Variants in CDHR4 observed in about 807,000 individuals in gnomAD.
CDHR4 encodes the protein cadherin-related family member 4.
A neutral mutation model predicts 88.4 loss-of-function variants in CDHR4; 89 were observed. The ratio of observed to expected loss-of-function variants is 1.01; its 90% CI spans 0.85 to 1.20. The LOEUF is 1.20. Ranked by LOEUF, CDHR4 falls within the 50% of genes most tolerant of loss-of-function variation. The pLI, the probability that CDHR4 is intolerant of heterozygous loss-of-function variation, is 0.00. For missense variants in CDHR4, 914 were observed against 1,007.2 expected, an observed-to-expected ratio of 0.91 and a Z score of 1.25; for synonymous variants, 368 against 399.2, an observed-to-expected ratio of 0.92 and a Z score of 0.93.
Position 49,793,960 on chromosome 3 carries a change from G to C in CDHR4, c.1326C>G (p.Ser442=). Reference sequence around the variant, plus strand: ...GGAACGTGCGAGGGGCACAGGCTGGGGAGAACTCGTTGATGGGTGTCACCA... The same window carrying C: ...GGAACGTGCGAGGGGCACAGGCTGGCGAGAACTCGTTGATGGGTGTCACCA... The part of the protein sequence containing the change: ...LVMVTPINEF[S]PACAPRTFRV... The change falls in exon 11 of 19, where the codon TCC becomes TCG. Residue 442 remains serine (S), a synonymous_variant. Transcript: ENST00000412678. 1 of 1,551,754 alleles carries C rather than the reference G, an allele frequency of 6.4e-7. No homozygotes were observed. The highest frequency in any genetic ancestry group is 8.7e-7 in the Non-Finnish European group (1 of 1,147,002).
At chr3:49,793,407 C>A in intron 12 of CDHR4, 96 bp from the exon 13 acceptor site, 1 of 1,475,204 alleles carries the variant, frequency 6.8e-7, no homozygotes, top group Non-Finnish European at 9.1e-7. Flanking sequence ...GTAGCCTAGG[C>A]ATCAAGTGAT....
At chr3:49,792,748 T>C in intron 14 of CDHR4, 106 bp downstream of exon 14, 1 of 1,456,440 alleles carries the variant, frequency 6.9e-7, no homozygotes, top group South Asian at 1.4e-5. Context: ...CACTCTGCGC[T>C]TCCCTCTGAA....
chr3:49,797,267 C>T (rs2081286038), intron 4 of CDHR4, among the ~76,000 whole-genome samples: 1 of 151,042 alleles, frequency 6.6e-6, no homozygotes, highest in East Asian at 1.9e-4. Context: ...CTTCCTCCCT[C>T]CCTCCCTTCC....
At chr3:49,792,371 G>T in intron 15 of CDHR4, 97 bp downstream of exon 15, 1 of 1,432,312 alleles carries the variant, frequency 7.0e-7, no homozygotes, top group Non-Finnish European at 9.4e-7. Flanking sequence ...CCACCTACTT[G>T]GGCATTGTCA....
At chr3:49,800,743 T>C (rs1246588662), upstream of CDHR4, among the ~76,000 whole-genome samples, 1 of 151,916 alleles carries the variant, frequency 6.6e-6, no homozygotes, top group African/African-American at 2.4e-5. Context: ...TGTCTATTTA[T>C]TGTATTTATA....
In CDHR4 at chr3:49,790,843, G is replaced by A. The variant is rs989910867; in HGVS notation, c.2356C>T (p.Arg786Cys). The change falls in exon 19 of 19, where the codon CGC (arginine) becomes TGC (cysteine). Residue 786 changes from arginine (R) to cysteine (C), a missense_variant. Transcript: ENST00000412678. Reference sequence around the variant, plus strand: ...ACAGCTACTTGGCCTCAGAGCCAGCGCCGGGCTCCTGTGTGTGTGTTAAAC... The same window carrying A: ...ACAGCTACTTGGCCTCAGAGCCAGCACCGGGCTCCTGTGTGTGTGTTAAAC... ...YLFNTHTGAR[R>C]WL The A allele has an allele frequency of 5.8e-6, 9 of 1,551,308 alleles. No homozygotes were observed. The highest frequency in any genetic ancestry group is 1.7e-4 in the Middle Eastern group (1 of 6,008).
At position 49,796,035 on chromosome 3, in the gene CDHR4, C is replaced by T. The variant is rs1484616615; in HGVS notation, c.618G>A (p.Leu206=). 1.3e-6 allele frequency: 2 copies of T among 1,527,230 alleles called. No individual in the cohort carries two copies. Among genetic ancestry groups the T allele is most frequent in the South Asian group, 1.3e-5 (1 of 79,254 alleles). The allele number at this position is 1,527,230 out of a possible 1,614,324, so 94.6% of individuals were successfully genotyped here. A position where few individuals can be genotyped will look rare whatever the true frequency, so the allele number is the denominator to read the frequency against. ...TTTGTCCAAAGGACACTGAGATTTG[C>T]AGCTGGAAGACCTGTGGTGCACCCA... ...LLGQAQKVFQ[L]QISVSFGQRQ... The change falls in exon 6 of 19, where the codon CTG becomes CTA. Residue 206 remains leucine (L), a synonymous_variant. Transcript: ENST00000412678.
chr3:49,791,898 C>G lies in CDHR4; in HGVS notation c.2195+5G>C. 1 of 1,551,722 alleles carries G rather than the reference C, an allele frequency of 6.4e-7. No individual in the cohort carries two copies. Among genetic ancestry groups the G allele is most frequent in the Non-Finnish European group, 8.7e-7 (1 of 1,146,990 alleles). ...CAGGCATAGAAGTATGCAAAGGAGA[C>G]TGACCTGTTTAGCAGCAAAGCCTGG... On this transcript the variant is annotated splice_donor_5th_base_variant and intron_variant, in intron 16 of 18. Coordinates refer to ENST00000412678, the MANE Select transcript of CDHR4 (RefSeq NM_001007540.4).
chr3:49,794,271 A>G (rs898542982), intron 10 of CDHR4, among the ~76,000 whole-genome samples: 26 of 152,066 alleles, frequency 1.7e-4, no homozygotes, highest in Non-Finnish European at 3.4e-4. Context: ...GGTGGCCGGC[A>G]CCTGTAGTCC....
chr3:49,792,686 G>A, intron 14 of CDHR4, 76 bp from the exon 15 acceptor site: 1 of 1,528,320 alleles, frequency 6.5e-7, no homozygotes, highest in Non-Finnish European at 8.8e-7. Flanking sequence ...CCTTCCCCGG[G>A]CTAAGCCACC....
rs771371464 is a variant in CDHR4 at position 49,798,914 on chromosome 3, C to T, written c.407G>A (p.Gly136Glu). 6.2e-6 allele frequency: 10 copies of T among 1,613,082 alleles called. No individual in the cohort carries two copies. Among genetic ancestry groups the T allele is most frequent in the Non-Finnish European group, 7.6e-6 (9 of 1,179,582 alleles). Reference sequence around the variant, plus strand: ...TGTCTCTGGCACCTGAATCATTTCCCCAGCTGGCCAGAGTGGAGGTCAGGG... The same window carrying T: ...TGTCTCTGGCACCTGAATCATTTCCTCAGCTGGCCAGAGTGGAGGTCAGGG... Reference protein sequence around the residue: ...QCAGQFASPAGEMIQVPETVT... With the variant: ...QCAGQFASPAEEMIQVPETVT... The change falls in exon 4 of 19, where the codon GGG becomes GAG. Residue 136 changes from glycine to glutamate, a missense_variant. Transcript: ENST00000412678.
At chr3:49,792,020 C>A in intron 15 of CDHR4, 61 bp from the exon 16 acceptor site, 1 of 1,477,620 alleles carries the variant, frequency 6.8e-7, no homozygotes, top group Non-Finnish European at 9.2e-7. Context: ...CTCCAGGAAT[C>A]AGCACCATTC....
intron 4 of CDHR4, among the ~76,000 whole-genome samples, chr3:49,797,554 T>C (rs1351670910): frequency 6.6e-6 from 1 of 152,154 alleles, no homozygotes; most frequent in Admixed American, 6.5e-5. Context: ...CAGTCTTGGC[T>C]CACTGCAGCC....
intron 15 of CDHR4, 121 bp downstream of exon 15, chr3:49,792,347 T>C: frequency 8.0e-7 from 1 of 1,249,196 alleles, no homozygotes; most frequent in South Asian, 1.5e-5. Flanking sequence ...CCCTCCTCAA[T>C]ATCAGTTCGT....
intron 4 of CDHR4, 73 bp downstream of exon 4, chr3:49,798,753 G>C: frequency 6.9e-7 from 1 of 1,443,540 alleles, no homozygotes; most frequent in Non-Finnish European, 9.5e-7. Flanking sequence ...TGCCTGGCCA[G>C]GTGGGGGTTA....
upstream of CDHR4, among the ~76,000 whole-genome samples, chr3:49,802,377 A>T (rs553575425): frequency 1.6e-4 from 25 of 151,664 alleles, no homozygotes; most frequent in Non-Finnish European, 8.8e-5. Flanking sequence ...GGGTTTCACC[A>T]TGTTAGCCAG....
intron 9 of CDHR4, 87 bp from the exon 10 acceptor site, chr3:49,794,788 C>G (rs553745987): frequency 7.0e-7 from 1 of 1,427,860 alleles, no homozygotes; most frequent in African/African-American, 1.4e-5. Context: ...AGGGCATCCA[C>G]AAATATCTTG....
intron 4 of CDHR4, among the ~76,000 whole-genome samples, chr3:49,797,851 GC>G (rs1371266510): frequency 1.3e-5 from 2 of 151,438 alleles, no homozygotes; most frequent in African/African-American, 2.4e-5. Flanking sequence ...TCTAGCCCAA[GC>G]CCTGGCCGCA....
At position 49,795,847 on chromosome 3, in the gene CDHR4, G is replaced by C; in HGVS notation, c.711-83C>G. On this transcript the variant is annotated intron_variant, in intron 6 of 18. Transcript: ENST00000412678. The surrounding 1 kb of genome is among the most constrained non-coding windows in gnomAD (Gnocchi z 5.4). ...AGCTTCCTTCCCTGGGCCCCCTCCT[G>C]TCAGGGCTGGGACTCAGCTCCAGCA... 1 of 1,529,936 alleles carries C rather than the reference G, an allele frequency of 6.5e-7. No individual in the cohort carries two copies. The highest frequency in any genetic ancestry group is 1.4e-5 in the African/African-American group (1 of 72,932). The allele number at this position is 1,529,936 out of a possible 1,614,324, so 94.8% of individuals were successfully genotyped here.
Sources: allele counts gnomAD v4.1 joint callset (sites outside exome capture counted in the v4.1 genomes callset), GRCh38; gene constraint gnomAD v4.1.1; non-coding constraint Gnocchi (gnomAD v3.1); transcripts MANE v1.5; gene names NCBI Gene and HGNC (gene_info 2026-07-23, HGNC 2026-07-21).